Variants in LHFPL3 observed in about 807,000 individuals in gnomAD.
LHFPL3 encodes the protein LHFPL tetraspan subfamily member 3.
A neutral mutation model predicts 19.3 loss-of-function variants in LHFPL3; 5 were observed. The observed-to-expected ratio is 0.26, with a 90% CI of 0.14 to 0.54. The LOEUF is 0.54. LHFPL3 is among the 20% of genes least tolerant of loss of function. The pLI, the probability that LHFPL3 is intolerant of heterozygous loss-of-function variation, is 0.94. For synonymous variants in LHFPL3, 133 were observed against 126.2 expected, an observed-to-expected ratio of 1.05 and a Z score of -0.36; for missense variants, 249 against 307.4, an observed-to-expected ratio of 0.81 and a Z score of 1.42.
chr7:104,843,429 G>A (rs779542985), intron 2 of LHFPL3, among the ~76,000 whole-genome samples: 1 of 152,184 alleles, frequency 6.6e-6, no homozygotes, highest in Non-Finnish European at 1.5e-5. Context: ...ACCCTTTCTG[G>A]AAAGTTAGGC....
At chr7:104,553,550 T>C (rs1794700901) in intron 1 of LHFPL3, among the ~76,000 whole-genome samples, 1 of 152,188 alleles carries the variant, frequency 6.6e-6, no homozygotes, top group Non-Finnish European at 1.5e-5. Flanking sequence ...AAACTGCCTC[T>C]AGGTCCAGTA....
chr7:104,789,095 T>C (rs549118659), intron 2 of LHFPL3, among the ~76,000 whole-genome samples: 3 of 152,330 alleles, frequency 2.0e-5, no homozygotes, highest in African/African-American at 4.8e-5. Flanking sequence ...TACAGCAAGA[T>C]GCTCATGCTA....
rs1794332640 is a variant in LHFPL3, at chr7:104,759,060, G to A, written c.682+22149G>A. Among the ~76,000 whole-genome samples, 3 of 152,168 alleles carry A rather than the reference G, an allele frequency of 2.0e-5. No individual in the cohort carries two copies. The South Asian group carries it at 6.2e-4, about 32-fold the overall frequency. On this transcript the variant is annotated intron_variant, in intron 2 of 2. Coordinates refer to ENST00000424859, the MANE Select transcript of LHFPL3 (RefSeq NM_199000.3). ...TGAGCTGATTTTTAAGTCACGCCGA[G>A]GACAAATAGACATCTGAGAGAACTG...
At chr7:104,382,147 A>G (rs2116453295) in intron 1 of LHFPL3, among the ~76,000 whole-genome samples, 1 of 152,288 alleles carries the variant, frequency 6.6e-6, no homozygotes, top group Non-Finnish European at 1.5e-5. Flanking sequence ...TGAATGTCTA[A>G]GGTAGTGGTT....
chr7:104,443,453 A>G (rs1396237543), intron 1 of LHFPL3, among the ~76,000 whole-genome samples: 1 of 152,188 alleles, frequency 6.6e-6, no homozygotes, highest in Non-Finnish European at 1.5e-5. Context: ...ACATCTTGGT[A>G]TGACCCCCTC....
intron 1 of LHFPL3, among the ~76,000 whole-genome samples, chr7:104,509,746 C>CAAAATAAAAT (rs141331654): frequency 1.3e-5 from 2 of 151,604 alleles, no homozygotes; most frequent in African/African-American, 4.8e-5. Context: ...TACAATAAGG[C>CAAAATAAAAT]AAAATAAAAT....
intron 1 of LHFPL3, among the ~76,000 whole-genome samples, chr7:104,330,534 A>C (rs1015703734): frequency 2.0e-5 from 3 of 152,118 alleles, no homozygotes; most frequent in Non-Finnish European, 4.4e-5. Flanking sequence ...TTTGATAAGG[A>C]AAGAGAAGCT....
At chr7:104,412,078 T>C (rs1003949697) in intron 1 of LHFPL3, among the ~76,000 whole-genome samples, 1 of 152,126 alleles carries the variant, frequency 6.6e-6, no homozygotes, top group Non-Finnish European at 1.5e-5. Context: ...TCCCTTCCCT[T>C]ATATACCAGC....
intron 1 of LHFPL3, among the ~76,000 whole-genome samples, chr7:104,732,440 G>T (rs1793722789): frequency 6.6e-6 from 1 of 151,956 alleles, no homozygotes; most frequent in African/African-American, 2.4e-5. Flanking sequence ...ACTTCTTCCT[G>T]GTTTAGTCTT....
chr7:104,727,769 T>C (rs1002877341), intron 1 of LHFPL3, among the ~76,000 whole-genome samples: 2 of 152,084 alleles, frequency 1.3e-5, no homozygotes, highest in African/African-American at 4.8e-5. Flanking sequence ...CTTGGAGTCA[T>C]GTGAGGTTCA....
chr7:104,457,447 ATC>A (rs1792569369), intron 1 of LHFPL3, among the ~76,000 whole-genome samples: 1 of 152,094 alleles, frequency 6.6e-6, no homozygotes, highest in Non-Finnish European at 1.5e-5. Context: ...ACATGAACTC[ATC>A]ATTTTTATGG....
chr7:104,867,972 A>G (rs1791760716), intron 2 of LHFPL3, among the ~76,000 whole-genome samples: 4 of 152,230 alleles, frequency 2.6e-5, no homozygotes, highest in Admixed American at 2.0e-4. Flanking sequence ...AACCAACGAC[A>G]AAAACCATAT....
chr7:104,328,811 C>T lies in LHFPL3; in HGVS notation c.32C>T (p.Ala11Val). 1 of 1,608,830 alleles carries T rather than the reference C, an allele frequency of 6.2e-7. No individual in the cohort carries two copies. The highest frequency in any genetic ancestry group is 8.5e-7 in the Non-Finnish European group (1 of 1,177,482). Reference sequence around the variant, plus strand: ...GGAGCCGCCGCCGCTGCCGCCGCCGCCGCCGCCGCGATGCTCCCGGCTCAG... The same window carrying T: ...GGAGCCGCCGCCGCTGCCGCCGCCGTCGCCGCCGCGATGCTCCCGGCTCAG... MPGAAAAAAAAAAAMLPAQEA... is the reference protein window; with the variant it reads MPGAAAAAAAVAAAMLPAQEA... Residue 11 changes from alanine to valine, a missense_variant, in exon 1 of 3, where the codon GCC becomes GTC. By Grantham distance (64) the Ala-to-Val change is moderately conservative. Transcript: ENST00000424859. The surrounding 1 kb of genome is among the most constrained non-coding windows in gnomAD (Gnocchi z 4.6).
At chr7:104,665,494 G>T (rs1434766272) in intron 1 of LHFPL3, among the ~76,000 whole-genome samples, 1 of 152,140 alleles carries the variant, frequency 6.6e-6, no homozygotes, top group Non-Finnish European at 1.5e-5. Flanking sequence ...TGTCTAAGCT[G>T]TAGTTTCCAC....
intron 1 of LHFPL3, among the ~76,000 whole-genome samples, chr7:104,563,600 A>T (rs139348501): frequency 0.19 from 17,275 of 92,636 alleles, 1,733 homozygotes; most frequent in African/African-American, 0.38. Flanking sequence ...CCTAGTGAGA[A>T]GAACCCGGTA....
chr7:104,604,975 AAC>A (rs2115718776), intron 1 of LHFPL3, among the ~76,000 whole-genome samples: 1 of 152,308 alleles, frequency 6.6e-6, no homozygotes, highest in Admixed American at 6.5e-5. Context: ...ACTGGGGGAA[AAC>A]AGTCATTTTC....
chr7:104,832,180 T>C (rs1480989982), intron 2 of LHFPL3, among the ~76,000 whole-genome samples: 3 of 152,016 alleles, frequency 2.0e-5, no homozygotes, highest in Admixed American at 6.6e-5. Context: ...ACTGGAATAT[T>C]TGGGGTTTTA....
chr7:104,518,853 T>TAGATAGATAGAAAGAATA (rs1562923387), intron 1 of LHFPL3, among the ~76,000 whole-genome samples: 2 of 137,588 alleles, frequency 1.5e-5, no homozygotes, highest in African/African-American at 6.6e-5. Flanking sequence ...ATAGAATAAA[T>TAGATAGATAGAAAGAATA]AAAAAAACTG....
intron 1 of LHFPL3, among the ~76,000 whole-genome samples, chr7:104,639,306 G>A (rs1791786809): frequency 6.6e-6 from 1 of 152,094 alleles, no homozygotes; most frequent in Non-Finnish European, 1.5e-5. Context: ...AGTCTTGGGA[G>A]TGTGTATGTG....
Sources: gnomAD v4.1 joint callset for allele counts (sites outside exome capture counted in the v4.1 genomes callset) on GRCh38, gnomAD v4.1.1 for gene constraint, Gnocchi (gnomAD v3.1) non-coding constraint, MANE v1.5 for transcripts, NCBI Gene and HGNC (gene_info 2026-07-23, HGNC 2026-07-21) for gene names.